The following BRINP3 variants were observed in gnomAD, a reference collection of about 807,000 sequenced individuals.
The protein encoded by BRINP3 is BMP/retinoic acid-inducible neural-specific protein 3.
A neutral mutation model predicts 71.0 loss-of-function variants in BRINP3; 19 were observed. The ratio of observed to expected loss-of-function variants is 0.27; its 90% CI spans 0.19 to 0.39. BRINP3 has a LOEUF of 0.39. BRINP3 is among the 10% of genes least tolerant of loss of function. BRINP3 has a pLI of 1.00. For synonymous variants in BRINP3, 380 were observed against 337.7 expected, an observed-to-expected ratio of 1.13 and a Z score of -1.37; for missense variants, 959 against 940.8, an observed-to-expected ratio of 1.02 and a Z score of -0.25.
At chr1:190,186,165 C>G (rs1236600012) in intron 6 of BRINP3, among the ~76,000 whole-genome samples, 1 of 151,926 alleles carries the variant, frequency 6.6e-6, no homozygotes, top group Non-Finnish European at 1.5e-5. Flanking sequence ...TACCTGAGGT[C>G]AGGAGTTTAA....
At chr1:190,252,595 C>T (rs1462700494) in intron 4 of BRINP3, among the ~76,000 whole-genome samples, 1 of 151,916 alleles carries the variant, frequency 6.6e-6, no homozygotes, top group Non-Finnish European at 1.5e-5. Flanking sequence ...CTGCAGTTTC[C>T]GATTGCCACA....
intron 6 of BRINP3, among the ~76,000 whole-genome samples, chr1:190,191,426 C>T (rs767406823): frequency 6.6e-6 from 1 of 151,998 alleles, no homozygotes; most frequent in Non-Finnish European, 1.5e-5. Context: ...CCTCAACAGG[C>T]CCCAGTGTGT....
chr1:190,162,327 T>C (rs1023822725), intron 6 of BRINP3, among the ~76,000 whole-genome samples: 6 of 151,784 alleles, frequency 4.0e-5, no homozygotes, highest in African/African-American at 1.5e-4. Context: ...GTGATTACAG[T>C]GCGTGCCACC....
intron 7 of BRINP3, among the ~76,000 whole-genome samples, chr1:190,110,214 C>T (rs1652546077): frequency 6.6e-6 from 1 of 152,012 alleles, no homozygotes; most frequent in Admixed American, 6.5e-5. Context: ...GTAAGGTACA[C>T]CAGATACCTC....
At chr1:190,151,136 G>A (rs1011000195) in intron 7 of BRINP3, among the ~76,000 whole-genome samples, 2 of 151,864 alleles carry the variant, frequency 1.3e-5, no homozygotes, top group Admixed American at 1.3e-4. Flanking sequence ...GACAGAGCAA[G>A]ACTCAGTCTC....
chr1:190,313,271 A>C (rs1014826759), intron 2 of BRINP3, among the ~76,000 whole-genome samples: 1 of 151,922 alleles, frequency 6.6e-6, no homozygotes, highest in Admixed American at 6.6e-5. Context: ...AGACCAACAA[A>C]ATTTGGTAAT....
chr1:190,130,951 C>T (rs907207994), intron 7 of BRINP3, among the ~76,000 whole-genome samples: 5 of 151,886 alleles, frequency 3.3e-5, no homozygotes, highest in African/African-American at 1.2e-4. Flanking sequence ...AGTACAAGTT[C>T]TCACACCAGT....
intron 7 of BRINP3, among the ~76,000 whole-genome samples, chr1:190,160,029 C>T (rs953363657): frequency 1.3e-5 from 2 of 151,748 alleles, no homozygotes; most frequent in African/African-American, 4.8e-5. Context: ...CTATATTTTC[C>T]CGTAGCTTTT....
At chr1:190,229,771 TA>T (rs1657779560) in intron 5 of BRINP3, among the ~76,000 whole-genome samples, 1 of 151,502 alleles carries the variant, frequency 6.6e-6, no homozygotes, top group African/African-American at 2.4e-5. Flanking sequence ...GCATTGAAAC[TA>T]AATCTTCTCT....
intron 4 of BRINP3, among the ~76,000 whole-genome samples, chr1:190,256,383 C>T (rs1222046625): frequency 6.6e-6 from 1 of 152,136 alleles, no homozygotes; most frequent in Non-Finnish European, 1.5e-5. Flanking sequence ...CTATGTGTCT[C>T]TGCACATGAG....
Position 190,307,616 on chromosome 1 carries a change from G to A in BRINP3, c.237-25866C>T, listed in dbSNP as rs567327380. ...CACTCAAACTAGTTAAGTTATTCTAGTCTATCATTCAGTCTTACTGCTTTT... is the reference window on the plus strand; with the variant it reads ...CACTCAAACTAGTTAAGTTATTCTAATCTATCATTCAGTCTTACTGCTTTT... On this transcript the variant is annotated intron_variant, in intron 2 of 7. Transcript: ENST00000367462. Among the ~76,000 whole-genome samples the A allele has an allele frequency of 3.3e-5, 5 of 151,948 alleles. No homozygotes were observed. In the East Asian group the frequency reaches 9.7e-4, roughly 29 times the overall value.
At chr1:190,316,277 G>T (rs901593389) in intron 2 of BRINP3, among the ~76,000 whole-genome samples, 18 of 152,122 alleles carry the variant, frequency 1.2e-4, no homozygotes, top group Non-Finnish European at 2.1e-4. Flanking sequence ...CAATGAGGTA[G>T]ATTCAATTAT....
intron 7 of BRINP3, among the ~76,000 whole-genome samples, chr1:190,137,438 TAAAAA>T (rs200761331): frequency 1.6e-5 from 2 of 126,940 alleles, no homozygotes; most frequent in Non-Finnish European, 3.4e-5. Context: ...AACCAAAGTT[TAAAAA>T]AAAAAAAAAA....
chr1:190,396,574 T>C (rs1011738815), intron 2 of BRINP3, among the ~76,000 whole-genome samples: 2 of 151,534 alleles, frequency 1.3e-5, no homozygotes, highest in African/African-American at 2.4e-5. Context: ...CCATCAATTA[T>C]TTTCTAAACA....
chr1:190,418,956 T>C (rs1470787170), intron 2 of BRINP3, among the ~76,000 whole-genome samples: 2 of 152,160 alleles, frequency 1.3e-5, no homozygotes, highest in African/African-American at 4.8e-5. Flanking sequence ...ATATGATTTT[T>C]ACTATCCATA....
At chr1:190,193,327 G>C (rs1654207420) in intron 6 of BRINP3, among the ~76,000 whole-genome samples, 2 of 152,040 alleles carry the variant, frequency 1.3e-5, no homozygotes, top group South Asian at 4.1e-4. Flanking sequence ...GCCCAAGCAG[G>C]AATTTCTGCA....
intron 2 of BRINP3, among the ~76,000 whole-genome samples, chr1:190,436,592 T>G (rs1053416251): frequency 6.6e-6 from 1 of 151,926 alleles, no homozygotes; most frequent in African/African-American, 2.4e-5. Flanking sequence ...CGGTGCATTA[T>G]GATCATTTTT....
chr1:190,333,598 A>G (rs1380892201), intron 2 of BRINP3, among the ~76,000 whole-genome samples: 1 of 151,986 alleles, frequency 6.6e-6, no homozygotes, highest in African/African-American at 2.4e-5. Context: ...CACCTTGTAA[A>G]GACAAAATTT....
intron 2 of BRINP3, among the ~76,000 whole-genome samples, chr1:190,339,663 C>T (rs1240135040): frequency 6.6e-6 from 1 of 151,888 alleles, no homozygotes; most frequent in Non-Finnish European, 1.5e-5. Context: ...GTATTGCCCA[C>T]CTGCCAACCG....
Sources: allele counts gnomAD v4.1 joint callset (sites outside exome capture counted in the v4.1 genomes callset), GRCh38; gene constraint gnomAD v4.1.1; transcripts MANE v1.5; gene names NCBI Gene and HGNC (gene_info 2026-07-23, HGNC 2026-07-21).